The following RMP64 variants were observed in gnomAD, a reference collection of about 807,000 sequenced individuals.
RMP64 encodes the protein ribonuclease MRP subunit p64.
chr3:113,006,143 C>G, the RMP64 span: 1 of 639,274 alleles, frequency 1.6e-6, no homozygotes, highest in Non-Finnish European at 2.7e-6. Flanking sequence ...AGAACCACAT[C>G]GAAAAATTTC....
At chr3:113,013,709 C>T in the RMP64 span, among the ~76,000 whole-genome samples, 2 of 152,148 alleles carry the variant, frequency 1.3e-5, no homozygotes, top group Admixed American at 1.3e-4. Flanking sequence ...AGCACAATAA[C>T]AGCCCACTGA....
chr3:113,007,561 GA>G, the RMP64 span, among the ~76,000 whole-genome samples: 2,670 of 152,222 alleles, frequency 0.018, 81 homozygotes, highest in African/African-American at 0.062. Flanking sequence ...GTTAAGCCCT[GA>G]AGTGTCTAAT....
At chr3:113,017,557 A>G in the RMP64 span, 12 of 1,614,166 alleles carry the variant, frequency 7.4e-6, no homozygotes, top group East Asian at 2.5e-4. Context: ...CTTCAGCGAC[A>G]GTATGACGAG....
chr3:113,014,164 T>A, the RMP64 span: 2 of 600,514 alleles, frequency 3.3e-6, no homozygotes, highest in Non-Finnish European at 6.0e-6. Flanking sequence ...ATACCTTATT[T>A]TTTTTCAGGG....
At chr3:113,009,076 C>G in the RMP64 span, among the ~76,000 whole-genome samples, 2 of 152,126 alleles carry the variant, frequency 1.3e-5, no homozygotes, top group Non-Finnish European at 2.9e-5. Flanking sequence ...GCAGAATAAG[C>G]CCATTAATCA....
At chr3:113,009,918 G>A in the RMP64 span, among the ~76,000 whole-genome samples, 1 of 150,082 alleles carries the variant, frequency 6.7e-6, no homozygotes, top group Admixed American at 6.7e-5. Flanking sequence ...AATAAAAGAA[G>A]TAAACTAACC....
chr3:113,012,598 C>T, the RMP64 span: 1 of 530,992 alleles, frequency 1.9e-6, no homozygotes, highest in Non-Finnish European at 3.3e-6. Context: ...CCTCAAAAAA[C>T]TCTGATCAAA....
At chr3:113,004,892 T>A in the RMP64 span, 7 of 152,404 alleles carry the variant, frequency 4.6e-5, no homozygotes, top group African/African-American at 1.7e-4. Flanking sequence ...CAATCACTGG[T>A]ACCCAAATAA....
chr3:113,008,168 T>C, the RMP64 span: 1 of 1,612,536 alleles, frequency 6.2e-7, no homozygotes, highest in South Asian at 1.1e-5. Flanking sequence ...GCAATATACC[T>C]ACCTAGTACC....
At chr3:113,017,458 G>T in the RMP64 span, 1 of 1,613,508 alleles carries the variant, frequency 6.2e-7, no homozygotes, top group Non-Finnish European at 8.5e-7. Context: ...CTGTTTGAGG[G>T]CCAAATGGGG....
chr3:113,013,826 A>T, the RMP64 span: 29 of 740,240 alleles, frequency 3.9e-5, no homozygotes, highest in Non-Finnish European at 5.6e-5. Flanking sequence ...ACATTAAAAC[A>T]AAATTTATAC....
the RMP64 span, chr3:113,004,146 G>A: frequency 1.3e-5 from 2 of 152,170 alleles, no homozygotes; most frequent in Non-Finnish European, 2.9e-5. Flanking sequence ...CCACTTGGTA[G>A]AAAGCCAAAA....
the RMP64 span, chr3:113,005,930 G>C: frequency 1.2e-6 from 2 of 1,613,792 alleles, no homozygotes; most frequent in South Asian, 1.1e-5. Context: ...ATGATGCTTT[G>C]AAGTTTTGAT....
the RMP64 span, chr3:113,014,259 TC>T: frequency 2.3e-6 from 1 of 428,340 alleles, no homozygotes; most frequent in Non-Finnish European, 4.2e-6. Flanking sequence ...ATCAGGTGAC[TC>T]CTAAGAAATT....
At chr3:113,012,518 T>C in the RMP64 span, 1 of 382,394 alleles carries the variant, frequency 2.6e-6, no homozygotes, top group Non-Finnish European at 4.6e-6. Flanking sequence ...GTGATTGGGC[T>C]GATCTTGTGG....
At chr3:113,004,899 A>ATAAAT in the RMP64 span, 2 of 147,600 alleles carry the variant, frequency 1.4e-5, no homozygotes, top group African/African-American at 5.5e-5. Flanking sequence ...TGGTACCCAA[A>ATAAAT]TAAATAAAAT....
the RMP64 span, chr3:113,005,509 T>C: frequency 2.8e-6 from 4 of 1,428,844 alleles, no homozygotes; most frequent in Non-Finnish European, 3.9e-6. Flanking sequence ...TGTTAATCAC[T>C]TAAAAGTCTC....
At chr3:113,007,039 C>T in the RMP64 span, among the ~76,000 whole-genome samples, 1 of 152,122 alleles carries the variant, frequency 6.6e-6, no homozygotes, top group Admixed American at 6.5e-5. Flanking sequence ...AACCAATAAA[C>T]ACCAGTTTGC....
At chr3:113,007,606 G>T in the RMP64 span, among the ~76,000 whole-genome samples, 1 of 152,110 alleles carries the variant, frequency 6.6e-6, no homozygotes, top group Non-Finnish European at 1.5e-5. Flanking sequence ...TGCAATACTG[G>T]TTCACAAGCA....
Sources: gnomAD v4.1 joint callset for allele counts (sites outside exome capture counted in the v4.1 genomes callset) on GRCh38, gnomAD v4.1.1 for gene constraint, MANE v1.5 for transcripts, NCBI Gene and HGNC (gene_info 2026-07-23, HGNC 2026-07-21) for gene names.